TDRD12: variants seen among roughly 807,000 people sequenced by gnomAD.
The protein encoded by TDRD12 is tudor domain containing 12.
In TDRD12, 158 loss-of-function variants were observed where a neutral mutation model predicts 133.5. That is an observed-to-expected ratio of 1.18 (90% CI 1.04 to 1.35). The LOEUF is 1.35. Ranked by LOEUF, TDRD12 falls within the 40% of genes most tolerant of loss-of-function variation. The pLI is 0.00. For missense variants in TDRD12, 1,443 were observed against 1,321.3 expected (o/e 1.09, Z -1.43); for synonymous variants, 460 against 477.9 (o/e 0.96, Z 0.49).
chr19:32,779,694 G>A (rs1039356143), intron 11 of TDRD12, among the ~76,000 whole-genome samples: 7 of 152,102 alleles, frequency 4.6e-5, no homozygotes, highest in East Asian at 1.9e-4. Context: ...GCCAGCTTCC[G>A]CCCAGCCCGT....
chr19:32,723,556 G>A (rs1446747446), intron 1 of TDRD12, among the ~76,000 whole-genome samples: 2 of 151,474 alleles, frequency 1.3e-5, no homozygotes, highest in Admixed American at 6.6e-5. Flanking sequence ...GCCCTTTATA[G>A]ATAACTCTTG....
intron 13 of TDRD12, among the ~76,000 whole-genome samples, chr19:32,791,274 G>C (rs1381007292): frequency 6.6e-6 from 1 of 152,140 alleles, no homozygotes; most frequent in Non-Finnish European, 1.5e-5. Flanking sequence ...TTAGAAGTGA[G>C]TGAGTGATTG....
chr19:32,800,411 G>T, intron 17 of TDRD12, 53 bp downstream of exon 17: 1 of 1,324,002 alleles, frequency 7.6e-7, no homozygotes, highest in Non-Finnish European at 1.0e-6. Flanking sequence ...GTATGTGTTG[G>T]TGGGGGGCTG....
intron 16 of TDRD12, 93 bp from the exon 17 acceptor site, chr19:32,800,074 C>T: frequency 1.3e-6 from 1 of 793,786 alleles, no homozygotes; most frequent in Non-Finnish European, 1.9e-6. Flanking sequence ...ACTCTGAGAA[C>T]AGAAAATATA....
intron 14 of TDRD12, among the ~76,000 whole-genome samples, chr19:32,796,625 T>C (rs931078954): frequency 2.0e-5 from 3 of 152,108 alleles, no homozygotes; most frequent in Non-Finnish European, 2.9e-5. Context: ...AGCAGCTGAT[T>C]TAGTCAAATT....
intron 2 of TDRD12, among the ~76,000 whole-genome samples, chr19:32,736,460 A>T (rs1969226938): frequency 6.6e-6 from 1 of 152,204 alleles, no homozygotes; most frequent in South Asian, 2.1e-4. Context: ...TCATGGAGAT[A>T]TATGAGATGA....
At chr19:32,810,767 C>T (rs114932192) in intron 23 of TDRD12, among the ~76,000 whole-genome samples, 292 of 152,218 alleles carry the variant, frequency 1.9e-3, no homozygotes, top group African/African-American at 6.7e-3. Context: ...TTGCTCATGC[C>T]TGTAATCCCA....
rs557429593 is a variant in TDRD12, at chr19:32,814,227, GA to G, written c.3141+454del. 1.3e-3 allele frequency among the ~76,000 whole-genome samples: 199 copies of G among 152,134 alleles called. 1 individual carries two copies. The highest frequency in any genetic ancestry group is 4.6e-3 in the African/African-American group (193 of 41,540). ...AGAGCAGCCGTGGGAGGGGGCGGGGGAAAGGGGGAGGGGAGGACACATGACA... is the reference window on the plus strand; with the variant it reads ...AGAGCAGCCGTGGGAGGGGGCGGGGGAAGGGGGAGGGGAGGACACATGACA... On this transcript the variant is annotated intron_variant, in intron 25 of 27. Coordinates refer to ENST00000444215, the Ensembl canonical transcript of TDRD12.
At chr19:32,790,444 A>T in intron 11 of TDRD12, 87 bp from the exon 12 acceptor site, 1 of 1,321,316 alleles carries the variant, frequency 7.6e-7, no homozygotes, top group East Asian at 2.5e-5. Context: ...AGCCCCTGCT[A>T]TCTCTGTCAA....
At chr19:32,815,394 C>T in intron 25 of TDRD12, 54 bp from the exon 26 acceptor site, 2 of 1,422,166 alleles carry the variant, frequency 1.4e-6, no homozygotes, top group Admixed American at 2.1e-5. Context: ...GTCTATGCTT[C>T]AGTTAAAATT....
At chr19:32,824,943 C>T (rs1003617927), downstream of TDRD12, among the ~76,000 whole-genome samples, 4 of 152,184 alleles carry the variant, frequency 2.6e-5, no homozygotes, top group African/African-American at 4.8e-5. Context: ...GGAACCTGGC[C>T]GCTTGCTCCC....
exon 21 of TDRD12, chr19:32,802,933 A>C: frequency 1.3e-6 from 2 of 1,534,740 alleles, no homozygotes; most frequent in Non-Finnish European, 1.7e-6. Flanking sequence ...GTTCTCCTGC[A>C]GAACAGGGAG....
intron 2 of TDRD12, among the ~76,000 whole-genome samples, chr19:32,733,059 G>C (rs1032064597): frequency 6.6e-6 from 1 of 152,196 alleles, no homozygotes; most frequent in East Asian, 1.9e-4. Context: ...TGTGGCCCCA[G>C]CTACTCTGGA....
In TDRD12 at chr19:32,816,721, G is replaced by A. The variant is rs368489536; in HGVS notation, c.3314+1101G>A. Among the ~76,000 whole-genome samples the A allele has an allele frequency of 2.1e-4, 32 of 152,308 alleles. No homozygotes were observed. In the South Asian group the frequency reaches 6.4e-3, roughly 31 times the overall value. ...TGGCTGCGCCAGCGTCTCCTCCCAT[G>A]GGGGGCATTAGAGAGACTGTGACAG... On this transcript the variant is annotated intron_variant, in intron 26 of 27. Coordinates refer to ENST00000444215, the Ensembl canonical transcript of TDRD12.
At chr19:32,738,777 C>T (rs1969301395) in intron 2 of TDRD12, 79 bp from the exon 3 acceptor site, 4 of 1,429,178 alleles carry the variant, frequency 2.8e-6, no homozygotes, top group Non-Finnish European at 2.8e-6. Flanking sequence ...TGTGCCACTG[C>T]ACTCCAGCCT....
At chr19:32,789,060 G>T (rs1000766093) in intron 11 of TDRD12, among the ~76,000 whole-genome samples, 1 of 152,136 alleles carries the variant, frequency 6.6e-6, no homozygotes, top group Non-Finnish European at 1.5e-5. Flanking sequence ...GGCCTTCCTC[G>T]GGTTGGGGTG....
At chr19:32,742,699 A>G in intron 3 of TDRD12, 82 bp from the exon 4 acceptor site, 3 of 1,336,034 alleles carry the variant, frequency 2.2e-6, no homozygotes, top group Non-Finnish European at 3.0e-6. Flanking sequence ...CATTAAGTGT[A>G]TTAATAAAAT....
chr19:32,797,773 C>G (rs1238745988), exon 15 of TDRD12: 11 of 700,394 alleles, frequency 1.6e-5, no homozygotes, highest in Non-Finnish European at 1.8e-5. Flanking sequence ...GGAAGAAGGC[C>G]CAATTTATTT....
In TDRD12 at chr19:32,750,565, A is replaced by G. The variant is rs556483239; in HGVS notation, c.582+696A>G. The stretch of plus-strand genomic sequence containing the variant: ...CCACAGTACAGTTTTTAAAACCAGA[A>G]AAGTAACATTGATAAAATACCACTG... On this transcript the variant is annotated intron_variant, in intron 6 of 27. Transcript: ENST00000444215. 2.6e-5 allele frequency among the ~76,000 whole-genome samples: 4 copies of G among 152,366 alleles called. No individual in the cohort carries two copies. In the South Asian group the frequency reaches 8.3e-4, roughly 32 times the overall value.
Sources: gnomAD v4.1 joint callset for allele counts (sites outside exome capture counted in the v4.1 genomes callset) on GRCh38, gnomAD v4.1.1 for gene constraint, MANE v1.5 for transcripts, NCBI Gene and HGNC (gene_info 2026-07-23, HGNC 2026-07-21) for gene names.